Variants in CBFA2T2 observed in about 807,000 individuals in gnomAD.
The protein encoded by CBFA2T2 is CBFA2/RUNX1 partner transcriptional co-repressor 2.
CBFA2T2 carries 11 observed loss-of-function variants against 62.2 expected under a neutral mutation model. The ratio of observed to expected loss-of-function variants is 0.18; its 90% CI spans 0.11 to 0.29. The LOEUF is 0.29. Among genes scored for constraint, CBFA2T2 ranks in the 10% least tolerant of loss-of-function variants. The probability of loss-of-function intolerance (pLI) is 1.00; values close to 1 mark genes in which losing one functional copy is unlikely to be tolerated. For synonymous variants in CBFA2T2, 295 were observed against 287.5 expected (o/e 1.03, Z -0.27); for missense variants, 592 against 774.1 (o/e 0.76, Z 2.79).
rs1345263131 is a variant in CBFA2T2, at chr20:33,513,814, A to AG, written c.34+23515dup. 3.8e-4 allele frequency among the ~76,000 whole-genome samples: 16 copies of AG among 42,240 alleles called. No homozygotes were observed. The South Asian group carries it at 7.4e-3, about 20-fold the overall frequency. 27.7% of individuals were successfully genotyped at this position (42,240 alleles called of 152,430 possible). ...GGGTGACAGAGTAAGACTCTGTCCCAGGAAAAAAAAAAAAAAAAAAAAGAA... is the reference window on the plus strand; with the variant it reads ...GGGTGACAGAGTAAGACTCTGTCCCAGGGAAAAAAAAAAAAAAAAAAAAGAA... On this transcript the variant is annotated intron_variant, in intron 1 of 10. Transcript: ENST00000342704.
chr20:33,611,849 T>G (rs1410808853), intron 3 of CBFA2T2, among the ~76,000 whole-genome samples: 3 of 152,216 alleles, frequency 2.0e-5, no homozygotes, highest in Non-Finnish European at 4.4e-5. Context: ...CAATCGATAA[T>G]GTTTACTTGT....
chr20:33,643,510 G>A (rs1003377789), intron 10 of CBFA2T2, among the ~76,000 whole-genome samples: 3 of 151,550 alleles, frequency 2.0e-5, no homozygotes, highest in Non-Finnish European at 4.4e-5. Flanking sequence ...CTGGAGCCTA[G>A]GAGGTCAAGT....
intron 1 of CBFA2T2, among the ~76,000 whole-genome samples, chr20:33,544,975 TA>T (rs2012503167): frequency 5.9e-5 from 8 of 135,522 alleles, no homozygotes; most frequent in Admixed American, 5.8e-4. Flanking sequence ...TAGAATAGAA[TA>T]GAATAGAATA....
intron 1 of CBFA2T2, among the ~76,000 whole-genome samples, chr20:33,491,650 G>A (rs1423464463): frequency 6.6e-6 from 1 of 151,992 alleles, no homozygotes; most frequent in Non-Finnish European, 1.5e-5. Context: ...CTAAAGAGGC[G>A]GATAGTGATT....
At chr20:33,637,485 T>A (rs771578664) in intron 9 of CBFA2T2, among the ~76,000 whole-genome samples, 2 of 152,184 alleles carry the variant, frequency 1.3e-5, no homozygotes, top group African/African-American at 4.8e-5. Context: ...TGCAAAATAT[T>A]TTTCCTTACT....
intron 3 of CBFA2T2, among the ~76,000 whole-genome samples, chr20:33,614,229 T>C (rs1260280037): frequency 1.3e-5 from 2 of 152,226 alleles, no homozygotes; most frequent in Non-Finnish European, 2.9e-5. Context: ...GTTACCTTTT[T>C]TTTCCATAGT....
chr20:33,616,697 A>G (rs2015724958), intron 3 of CBFA2T2, among the ~76,000 whole-genome samples: 1 of 151,978 alleles, frequency 6.6e-6, no homozygotes, highest in Non-Finnish European at 1.5e-5. Flanking sequence ...ACTGCACTCC[A>G]GCATGGGTGA....
intron 1 of CBFA2T2, among the ~76,000 whole-genome samples, chr20:33,499,022 C>T (rs758466294): frequency 1.2e-4 from 18 of 145,390 alleles, no homozygotes; most frequent in African/African-American, 2.3e-4. Flanking sequence ...CCAGCCTGGG[C>T]GAAAGAGTGA....
chr20:33,552,088 TTTAAG>T (rs2012757190), intron 1 of CBFA2T2, among the ~76,000 whole-genome samples: 1 of 151,986 alleles, frequency 6.6e-6, no homozygotes. Flanking sequence ...TTTTTTTTTT[TTTAAG>T]TTGACAAAAT....
chr20:33,548,254 AT>A (rs1188855328), intron 1 of CBFA2T2, among the ~76,000 whole-genome samples: 5 of 145,518 alleles, frequency 3.4e-5, no homozygotes, highest in Non-Finnish European at 3.0e-5. Flanking sequence ...TATTTTTTTT[AT>A]TTTTTTTTTG....
At chr20:33,628,607 T>TA (rs2016338637) in intron 7 of CBFA2T2, among the ~76,000 whole-genome samples, 172 bp downstream of exon 7, 1 of 152,192 alleles carries the variant, frequency 6.6e-6, no homozygotes, top group Non-Finnish European at 1.5e-5. Context: ...TAGCTGGGAT[T>TA]ACAGGTGTAC....
chr20:33,638,011 G>C (rs1195250808), intron 9 of CBFA2T2, among the ~76,000 whole-genome samples: 2 of 105,128 alleles, frequency 1.9e-5, no homozygotes, highest in Non-Finnish European at 3.5e-5. Context: ...TTCTTGCTCT[G>C]TTGCTCAGGC....
rs1304941445 is a variant in CBFA2T2, at chr20:33,536,618, CG to C, written c.34+46321del. Among the ~76,000 whole-genome samples, 7 of 148,134 alleles carry C rather than the reference CG, an allele frequency of 4.7e-5. No individual in the cohort carries two copies. The South Asian group carries it at 1.5e-3, about 32-fold the overall frequency. On this transcript the variant is annotated intron_variant, in intron 1 of 10. Coordinates refer to ENST00000342704, the MANE Select transcript of CBFA2T2 (RefSeq NM_001032999.3). ...GCGGAGGGGCTCCTCACTTCTCAGA[CG>C]GGGCGGTTGCCAGGCGGAGGGTCTC...
intron 1 of CBFA2T2, among the ~76,000 whole-genome samples, chr20:33,563,056 T>C (rs1236544281): frequency 1.3e-5 from 2 of 152,236 alleles, no homozygotes; most frequent in African/African-American, 2.4e-5. Flanking sequence ...ATTAAAAAGA[T>C]GGCTCATAAA....
intron 1 of CBFA2T2, among the ~76,000 whole-genome samples, chr20:33,538,365 C>T (rs1440414204): frequency 6.6e-6 from 1 of 151,346 alleles, no homozygotes; most frequent in Admixed American, 6.6e-5. Context: ...ATTGGATTTT[C>T]TTTTTTCTTT....
At chr20:33,606,847 C>A in intron 1 of CBFA2T2, 109 bp from the exon 2 acceptor site, 1 of 998,538 alleles carries the variant, frequency 1.0e-6, no homozygotes, top group Non-Finnish European at 1.5e-6. Flanking sequence ...CACTATTCAG[C>A]CTATTATACC....
At position 33,642,116 on chromosome 20, in the gene CBFA2T2, T is replaced by TGTGTGTGTG. The variant is rs1555851384; in HGVS notation, c.1488+1585_1488+1586insGTGTGTGTG. 1.8e-3 allele frequency among the ~76,000 whole-genome samples: 105 copies of TGTGTGTGTG among 59,048 alleles called. 1 individual carries two copies. The highest frequency in any genetic ancestry group is 2.0e-3 in the South Asian group (3 of 1,508). The allele number at this position is 59,048 out of a possible 152,430, so 38.7% of individuals were successfully genotyped here. ...TCCTCCTCCTTTGTCTTTTTTTTTT[T>TGTGTGTGTG]TGTGTGTGTGTGTGTGTGTGTGTGT... On this transcript the variant is annotated intron_variant, in intron 10 of 10. Transcript: ENST00000342704.
intron 7 of CBFA2T2, among the ~76,000 whole-genome samples, chr20:33,629,274 A>T (rs1025728567): frequency 6.6e-6 from 1 of 152,232 alleles, no homozygotes; most frequent in African/African-American, 2.4e-5. Context: ...AAAATTGTTT[A>T]TATTCCAAAA....
intron 10 of CBFA2T2, 109 bp from the exon 11 acceptor site, chr20:33,644,238 C>A: frequency 8.0e-7 from 1 of 1,257,696 alleles, no homozygotes; most frequent in African/African-American, 1.5e-5. Flanking sequence ...GTATGTAGTT[C>A]CAAAGCTGGG....
Sources: allele counts gnomAD v4.1 joint callset (sites outside exome capture counted in the v4.1 genomes callset), GRCh38; gene constraint gnomAD v4.1.1; transcripts MANE v1.5; gene names NCBI Gene and HGNC (gene_info 2026-07-23, HGNC 2026-07-21).